DLG1: variants seen among roughly 807,000 people sequenced by gnomAD.
The protein encoded by DLG1 is discs large MAGUK scaffold protein 1.
A neutral mutation model predicts 123.4 loss-of-function variants in DLG1; 42 were observed. The observed-to-expected ratio is 0.34, with a 90% CI of 0.27 to 0.44. The LOEUF is 0.44. Ranked by LOEUF, DLG1 falls within the 20% of genes least tolerant of loss-of-function variation. The pLI is 1.00. For synonymous variants in DLG1, 317 were observed against 356.2 expected, an observed-to-expected ratio of 0.89 and a Z score of 1.24; for missense variants, 942 against 1,082.6, an observed-to-expected ratio of 0.87 and a Z score of 1.82.
chr3:197,200,876 T>A (rs1725284438), intron 4 of DLG1, among the ~76,000 whole-genome samples: 1 of 152,116 alleles, frequency 6.6e-6, no homozygotes, highest in South Asian at 2.1e-4. Flanking sequence ...ACAGTCAACA[T>A]TATAGTTAAT....
At chr3:197,264,237 G>A (rs78290545) in intron 4 of DLG1, among the ~76,000 whole-genome samples, 5,622 of 152,102 alleles carry the variant, frequency 0.037, 168 homozygotes, top group South Asian at 0.052. Context: ...AGTTTTATAC[G>A]GTTTAAGTTG....
chr3:197,126,455 G>GA (rs1404110913), intron 11 of DLG1, among the ~76,000 whole-genome samples: 14 of 150,686 alleles, frequency 9.3e-5, no homozygotes, highest in African/African-American at 2.9e-4. Context: ...CAACAAGAGC[G>GA]AAACTCCATC....
At position 197,264,992 on chromosome 3, in the gene DLG1, T is replaced by C. The variant is rs541043650; in HGVS notation, c.318+17687A>G. ...TAATAATCCTTCAAAAAAGCTTGCA[T>C]AGATCTAATACTTACAGGTTTTAAG... On this transcript the variant is annotated intron_variant, in intron 4 of 24. Coordinates refer to ENST00000667157, the MANE Select transcript of DLG1 (RefSeq NM_001366207.1). Among the ~76,000 whole-genome samples, 78 of 152,314 alleles carry C rather than the reference T, an allele frequency of 5.1e-4. 1 individual carries two copies. In the South Asian group the frequency reaches 0.016, roughly 31 times the overall value.
intron 5 of DLG1, among the ~76,000 whole-genome samples, chr3:197,189,030 T>TC (rs1717735237): frequency 6.6e-6 from 1 of 152,180 alleles, no homozygotes; most frequent in African/African-American, 2.4e-5. Context: ...AGGTAGAAAT[T>TC]CCCCAAACGA....
At chr3:197,061,392 C>A (rs1044064013) in intron 22 of DLG1, among the ~76,000 whole-genome samples, 1 of 152,068 alleles carries the variant, frequency 6.6e-6, no homozygotes, top group African/African-American at 2.4e-5. Context: ...GCATAATGCT[C>A]CTTCACCTCG....
chr3:197,220,107 T>C (rs1561522350), intron 4 of DLG1, among the ~76,000 whole-genome samples: 1 of 152,354 alleles, frequency 6.6e-6, no homozygotes, highest in East Asian at 1.9e-4. Flanking sequence ...GATTAGTACA[T>C]AAATGCCTTA....
intron 14 of DLG1, among the ~76,000 whole-genome samples, chr3:197,091,896 G>A (rs926555784): frequency 6.6e-6 from 1 of 152,208 alleles, no homozygotes; most frequent in Non-Finnish European, 1.5e-5. Context: ...CAGAGTAAGA[G>A]TAAGCATGAT....
intron 21 of DLG1, 104 bp downstream of exon 21, chr3:197,065,599 TGATAA>T (rs2148882733): frequency 1.0e-6 from 1 of 1,004,388 alleles, no homozygotes; most frequent in Non-Finnish European, 1.5e-6. Context: ...GAAGAGTAAC[TGATAA>T]AATAAGTACA....
At chr3:197,297,687 G>C (rs1778177158) in intron 1 of DLG1, 1 of 989,344 alleles carries the variant, frequency 1.0e-6, no homozygotes, top group African/African-American at 1.7e-5. Flanking sequence ...CTCCTTGCTC[G>C]CTGCCTCCGG....
At chr3:197,284,282 T>TA (rs1199158116) in intron 3 of DLG1, among the ~76,000 whole-genome samples, 1 of 152,098 alleles carries the variant, frequency 6.6e-6, no homozygotes, top group Non-Finnish European at 1.5e-5. Context: ...GAATATTATA[T>TA]ACACACATAC....
chr3:197,291,582 T>C (rs1774946623), intron 3 of DLG1, among the ~76,000 whole-genome samples: 1 of 152,212 alleles, frequency 6.6e-6, no homozygotes, highest in African/African-American at 2.4e-5. Flanking sequence ...TTAAGCATGC[T>C]TGTCATTTAG....
intron 18 of DLG1, chr3:197,070,392 A>T (rs1271273414): frequency 6.6e-6 from 1 of 150,390 alleles, no homozygotes; most frequent in East Asian, 2.0e-4. Flanking sequence ...GACTACAGGT[A>T]TGTACCACCA....
intron 5 of DLG1, among the ~76,000 whole-genome samples, chr3:197,162,052 T>G (rs1561145121): frequency 6.6e-6 from 1 of 152,214 alleles, no homozygotes; most frequent in Admixed American, 6.5e-5. Flanking sequence ...ACTTGCTTCA[T>G]AGACAGACTG....
chr3:197,189,399 T>A (rs1425791091), intron 5 of DLG1, among the ~76,000 whole-genome samples: 1 of 152,166 alleles, frequency 6.6e-6, no homozygotes, highest in Non-Finnish European at 1.5e-5. Flanking sequence ...TTAACAAGTT[T>A]ACAATAGGAA....
rs190169839 is a variant in DLG1 at position 197,261,943 on chromosome 3, G to T, written c.318+20736C>A. 8.5e-5 allele frequency among the ~76,000 whole-genome samples: 13 copies of T among 152,306 alleles called. No individual in the cohort carries two copies. In the East Asian group the frequency reaches 2.5e-3, roughly 29 times the overall value. ...TAGGTCAATAGTGGCAATAAATAGT[G>T]CAACAGTGCTCAGTAAATGCCAGCT... is the stretch of plus-strand genomic sequence containing the variant. On this transcript the variant is annotated intron_variant, in intron 4 of 24. Coordinates refer to ENST00000667157, the MANE Select transcript of DLG1 (RefSeq NM_001366207.1).
chr3:197,089,063 A>G (rs897916178), intron 15 of DLG1, among the ~76,000 whole-genome samples: 7 of 152,166 alleles, frequency 4.6e-5, no homozygotes, highest in Non-Finnish European at 7.4e-5. Context: ...AGAAGATAGC[A>G]GTATATGCAT....
chr3:197,123,146 TA>T (rs1242313703), intron 11 of DLG1, among the ~76,000 whole-genome samples: 2 of 152,150 alleles, frequency 1.3e-5, no homozygotes, highest in Non-Finnish European at 2.9e-5. Flanking sequence ...ATGCAAAAAT[TA>T]GATCAAAATG....
chr3:197,086,555 G>A (rs181961936), intron 15 of DLG1, among the ~76,000 whole-genome samples: 4 of 152,162 alleles, frequency 2.6e-5, no homozygotes, highest in East Asian at 1.9e-4. Context: ...GATGAAAATC[G>A]TAATCTTTTT....
intron 22 of DLG1, 29 bp from the exon 23 acceptor site, chr3:197,060,027 C>A (rs767073707): frequency 4.7e-6 from 7 of 1,495,064 alleles, no homozygotes; most frequent in Non-Finnish European, 6.5e-6. Context: ...AGAAAAAAAA[C>A]AAGTGAGCCA....
Sources: gnomAD v4.1 joint callset for allele counts (sites outside exome capture counted in the v4.1 genomes callset) on GRCh38, gnomAD v4.1.1 for gene constraint, MANE v1.5 for transcripts, NCBI Gene and HGNC (gene_info 2026-07-23, HGNC 2026-07-21) for gene names.